The following ADGRL3 variants were observed in gnomAD, a reference collection of about 807,000 sequenced individuals.
ADGRL3 encodes the protein adhesion G protein-coupled receptor L3.
Under a neutral mutation model 153.5 loss-of-function variants are expected in ADGRL3, and 62 were observed. The ratio of observed to expected loss-of-function variants is 0.40; its 90% CI spans 0.33 to 0.50. The LOEUF (loss-of-function observed/expected upper bound fraction) is 0.50, where lower values mean the gene tolerates loss of function less well. Among genes scored for constraint, ADGRL3 ranks in the 20% least tolerant of loss-of-function variants. The probability of loss-of-function intolerance (pLI) is 0.47; values close to 1 mark genes in which losing one functional copy is unlikely to be tolerated. For synonymous variants in ADGRL3, 710 were observed against 672.5 expected (o/e 1.06, Z -0.86); for missense variants, 1,641 against 1,859.4 (o/e 0.88, Z 2.16).
chr4:62,009,939 A>T (rs1455430239), intron 21 of ADGRL3, among the ~76,000 whole-genome samples: 1 of 152,126 alleles, frequency 6.6e-6, no homozygotes, highest in Non-Finnish European at 1.5e-5. Context: ...TGTACTTCTG[A>T]GTACAGCTTT....
chr4:61,889,007 C>G (rs2098554743), intron 9 of ADGRL3, among the ~76,000 whole-genome samples: 1 of 151,976 alleles, frequency 6.6e-6, no homozygotes, highest in Non-Finnish European at 1.5e-5. Context: ...TTTGCTTGTC[C>G]CACTTTATCC....
At chr4:62,048,558 G>C (rs1271850497) in intron 25 of ADGRL3, among the ~76,000 whole-genome samples, 1 of 151,932 alleles carries the variant, frequency 6.6e-6, no homozygotes, top group Non-Finnish European at 1.5e-5. Flanking sequence ...ACCACGCCCG[G>C]CTATTTTTAT....
chr4:61,488,019 G>A (rs1408158481), intron 2 of ADGRL3, among the ~76,000 whole-genome samples: 1 of 151,910 alleles, frequency 6.6e-6, no homozygotes, highest in Non-Finnish European at 1.5e-5. Flanking sequence ...TGCTTTGTGG[G>A]ATCTCAGAAA....
At chr4:61,402,149 A>T (rs2096936707) in intron 2 of ADGRL3, among the ~76,000 whole-genome samples, 1 of 152,072 alleles carries the variant, frequency 6.6e-6, no homozygotes, top group African/African-American at 2.4e-5. Flanking sequence ...CATGTAAAAA[A>T]CTTAGCTTGA....
At chr4:61,863,832 A>G (rs183719492) in intron 9 of ADGRL3, among the ~76,000 whole-genome samples, 92 of 152,262 alleles carry the variant, frequency 6.0e-4, no homozygotes, top group African/African-American at 2.1e-3. Context: ...ATAAACATCC[A>G]TTTTTGTCTG....
chr4:61,843,203 A>T (rs1260435065), intron 9 of ADGRL3, among the ~76,000 whole-genome samples: 1 of 152,168 alleles, frequency 6.6e-6, no homozygotes, highest in Non-Finnish European at 1.5e-5. Flanking sequence ...AAATTGGGTA[A>T]TGGTGATGTC....
chr4:62,055,192 G>A (rs572509633), intron 25 of ADGRL3, among the ~76,000 whole-genome samples: 8 of 151,942 alleles, frequency 5.3e-5, no homozygotes, highest in African/African-American at 1.9e-4. Flanking sequence ...AGCAATTGAA[G>A]AGGTAACTTC....
At chr4:62,044,106 GT>G (rs1451964588) in intron 24 of ADGRL3, among the ~76,000 whole-genome samples, 3 of 151,816 alleles carry the variant, frequency 2.0e-5, no homozygotes, top group Non-Finnish European at 4.4e-5. Context: ...AAAATAATTT[GT>G]TTTACCTTGG....
intron 19 of ADGRL3, among the ~76,000 whole-genome samples, chr4:61,994,427 CAG>C (rs1298532284): frequency 1.3e-5 from 2 of 152,148 alleles, no homozygotes; most frequent in East Asian, 3.9e-4. Context: ...CCTGGGATAA[CAG>C]GGGTGAGCCG....
At chr4:61,879,087 T>G (rs2098493854) in intron 9 of ADGRL3, among the ~76,000 whole-genome samples, 1 of 152,278 alleles carries the variant, frequency 6.6e-6, no homozygotes, top group Admixed American at 6.5e-5. Context: ...TTTGAAGAAA[T>G]ATTTTTCTCT....
At chr4:61,449,863 C>G (rs766119771) in intron 2 of ADGRL3, among the ~76,000 whole-genome samples, 1 of 152,136 alleles carries the variant, frequency 6.6e-6, no homozygotes, top group Non-Finnish European at 1.5e-5. Flanking sequence ...GTTTCTCCAC[C>G]ACCTTTAACA....
At position 61,927,637 on chromosome 4, in the gene ADGRL3, CAACTT is replaced by C. The variant is rs929040884; in HGVS notation, c.2113-7202_2113-7198del. On this transcript the variant is annotated intron_variant, in intron 13 of 26. Transcript: ENST00000683033. Reference sequence around the variant, plus strand: ...ATCAGATGTATAAATATCAGTCACTCAACTTGACTTGTAATAAAAAACCTGCAAGT... The same window carrying C: ...ATCAGATGTATAAATATCAGTCACTCGACTTGTAATAAAAAACCTGCAAGT... Among the ~76,000 whole-genome samples, 14 of 152,202 alleles carry C rather than the reference CAACTT, an allele frequency of 9.2e-5. No homozygotes were observed. In the East Asian group the frequency reaches 1.5e-3, roughly 17 times the overall value.
At chr4:62,048,245 ACT>A (rs1732198554) in intron 25 of ADGRL3, among the ~76,000 whole-genome samples, 1 of 151,698 alleles carries the variant, frequency 6.6e-6, no homozygotes, top group African/African-American at 2.4e-5. Flanking sequence ...CTATTTATTT[ACT>A]TTTATTTATT....
At chr4:61,912,533 C>T (rs548360157) in intron 12 of ADGRL3, among the ~76,000 whole-genome samples, 186 bp from the exon 13 acceptor site, 1 of 152,236 alleles carries the variant, frequency 6.6e-6, no homozygotes, top group Non-Finnish European at 1.5e-5. Flanking sequence ...AGGATGTTGG[C>T]TACTATTTTT....
chr4:61,581,368 C>T (rs1465316151), intron 4 of ADGRL3, among the ~76,000 whole-genome samples: 1 of 150,966 alleles, frequency 6.6e-6, no homozygotes, highest in African/African-American at 2.5e-5. Flanking sequence ...CATCTTAAAT[C>T]TCCATCCAGG....
chr4:61,719,775 T>A (rs1490600113), intron 6 of ADGRL3, among the ~76,000 whole-genome samples: 1 of 151,708 alleles, frequency 6.6e-6, no homozygotes, highest in African/African-American at 2.4e-5. Flanking sequence ...CTAATTTTTG[T>A]ATTTTTTAGT....
chr4:61,252,690 C>CTT (rs5858685), intron 1 of ADGRL3, among the ~76,000 whole-genome samples: 10,615 of 148,030 alleles, frequency 0.072, 460 homozygotes, highest in Non-Finnish European at 0.096. Flanking sequence ...ATTAGATGAA[C>CTT]TTTTTTTTTT....
chr4:61,493,554 C>G (rs2098279797), intron 2 of ADGRL3, among the ~76,000 whole-genome samples: 1 of 152,108 alleles, frequency 6.6e-6, no homozygotes, highest in Non-Finnish European at 1.5e-5. Context: ...AATAGCAATA[C>G]TCCTCTTTCA....
intron 2 of ADGRL3, among the ~76,000 whole-genome samples, chr4:61,423,188 C>T (rs571468901): frequency 9.2e-5 from 14 of 152,138 alleles, no homozygotes; most frequent in Non-Finnish European, 7.3e-5. Flanking sequence ...TATTTTTGTA[C>T]AGCAAGATGA....
Sources: gnomAD v4.1 joint callset for allele counts (sites outside exome capture counted in the v4.1 genomes callset) on GRCh38, gnomAD v4.1.1 for gene constraint, MANE v1.5 for transcripts, NCBI Gene and HGNC (gene_info 2026-07-23, HGNC 2026-07-21) for gene names.